Variants in SHLD3 observed in about 807,000 individuals in gnomAD.
The protein encoded by SHLD3 is REV7-interacting novel NHEJ regulator 1.
SHLD3 carries 15 observed loss-of-function variants against 21.4 expected under a neutral mutation model. The ratio of observed to expected loss-of-function variants is 0.70; its 90% CI spans 0.47 to 1.08. SHLD3 has a LOEUF of 1.08. SHLD3 is among the 50% of genes least tolerant of loss of function. The pLI, the probability that SHLD3 is intolerant of heterozygous loss-of-function variation, is 0.00. For synonymous variants in SHLD3, 103 were observed against 97.2 expected, an observed-to-expected ratio of 1.06 and a Z score of -0.35; for missense variants, 273 against 286.1, an observed-to-expected ratio of 0.95 and a Z score of 0.33.
intron 1 of SHLD3, among the ~76,000 whole-genome samples, chr5:65,627,979 C>A (rs775697370): frequency 6.6e-6 from 1 of 152,102 alleles, no homozygotes; most frequent in Non-Finnish European, 1.5e-5. Context: ...AGTGGGAGAA[C>A]CCTCATCAAG....
intron 1 of SHLD3, among the ~76,000 whole-genome samples, chr5:65,628,068 T>C (rs894666150): frequency 6.6e-6 from 1 of 152,204 alleles, no homozygotes; most frequent in Non-Finnish European, 1.5e-5. Context: ...AAAGTCTGTT[T>C]TATGGCTCTT....
At position 65,630,267 on chromosome 5, in the gene SHLD3, TTAA is replaced by T; in HGVS notation, c.681_683del (p.Lys228del). Reference sequence around the variant, plus strand: ...TATTGTGAATATGTGGGAAGTCTTCTTAAAGGAAGATTAGCTCTTACTGGAAAA... The same window carrying T: ...TATTGTGAATATGTGGGAAGTCTTCTAGGAAGATTAGCTCTTACTGGAAAA... On this transcript the variant is annotated inframe_deletion, in exon 2 of 2. Coordinates refer to ENST00000510585, the MANE Select transcript of SHLD3 (RefSeq NM_001365341.2). 1 of 1,535,428 alleles carries T rather than the reference TTAA, an allele frequency of 6.5e-7. No homozygotes were observed. Among genetic ancestry groups the T allele is most frequent in the Non-Finnish European group, 8.7e-7 (1 of 1,146,518 alleles).
chr5:65,626,399 T>C (rs1232494847), intron 1 of SHLD3, among the ~76,000 whole-genome samples: 3 of 152,212 alleles, frequency 2.0e-5, no homozygotes, highest in Non-Finnish European at 2.9e-5. Flanking sequence ...GGAACAGTTC[T>C]ATTAACTGCT....
intron 1 of SHLD3, among the ~76,000 whole-genome samples, chr5:65,627,674 GACA>G (rs373003083): frequency 3.3e-5 from 5 of 151,312 alleles, no homozygotes; most frequent in African/African-American, 1.2e-4. Flanking sequence ...ATTGACTTTA[GACA>G]ACAAGAGAAT....
chr5:65,630,267 T>C lies in SHLD3; in HGVS notation c.680T>C (p.Leu227Pro), dbSNP rs1755474684. Residue 227 changes from leucine to proline, a missense_variant, in exon 2 of 2, where the codon CTT becomes CCT. Transcript: ENST00000510585. The stretch of plus-strand genomic sequence containing the variant: ...TATTGTGAATATGTGGGAAGTCTTC[T>C]TAAAGGAAGATTAGCTCTTACTGGA... The part of the protein sequence containing the change: ...IMYCEYVGSL[L>P]KGRLALTGKI... The C allele has an allele frequency of 6.5e-7, 1 of 1,535,310 alleles. No homozygotes were observed. The highest frequency in any genetic ancestry group is 8.7e-7 in the Non-Finnish European group (1 of 1,146,526).
Position 65,630,614 on chromosome 5 carries a change from G to T in SHLD3, c.*274G>T. 9.4e-7 allele frequency: 1 copy of T among 1,067,192 alleles called. No individual in the cohort carries two copies. Among genetic ancestry groups the T allele is most frequent in the Non-Finnish European group, 1.1e-6 (1 of 883,494 alleles). The allele number at this position is 1,067,192 out of a possible 1,614,324, so 66.1% of individuals were successfully genotyped here. ...GTCATGAATTAAGTTGTATAGTTTGGATTTTGGTTAATCTCTAAAATCTAA... is the reference window on the plus strand; with the variant it reads ...GTCATGAATTAAGTTGTATAGTTTGTATTTTGGTTAATCTCTAAAATCTAA... On this transcript the variant is annotated 3_prime_UTR_variant, in exon 2 of 2. Coordinates refer to ENST00000510585, the MANE Select transcript of SHLD3 (RefSeq NM_001365341.2).
chr5:65,629,116 A>G (rs975842742), intron 1 of SHLD3, among the ~76,000 whole-genome samples: 1 of 152,240 alleles, frequency 6.6e-6, no homozygotes, highest in Admixed American at 6.5e-5. Context: ...TATGAAAACA[A>G]TATTTTAAGA....
At chr5:65,627,837 G>A (rs778266979) in intron 1 of SHLD3, among the ~76,000 whole-genome samples, 2 of 152,160 alleles carry the variant, frequency 1.3e-5, no homozygotes, top group Non-Finnish European at 2.9e-5. Flanking sequence ...ATGAATTTGA[G>A]AGTTGTCAGA....
chr5:65,626,420 T>C (rs1276015725), intron 1 of SHLD3, among the ~76,000 whole-genome samples: 1 of 152,200 alleles, frequency 6.6e-6, no homozygotes, highest in African/African-American at 2.4e-5. Context: ...ACGTGTGATT[T>C]ATACAAATTA....
chr5:65,630,860 T>G lies in SHLD3; in HGVS notation c.*520T>G, dbSNP rs1755517301. 1 of 185,698 alleles carries G rather than the reference T, an allele frequency of 5.4e-6. No homozygotes were observed. Among genetic ancestry groups the G allele is most frequent in the East Asian group, 1.9e-4 (1 of 5,320 alleles). The allele number at this position is 185,698 out of a possible 1,614,324, so 11.5% of individuals were successfully genotyped here. ...CTTTGCCTAAAACGATAATGTATCC[T>G]GTTTTGAAGGAAAGTATCAAATGTT... is the stretch of plus-strand genomic sequence containing the variant. On this transcript the variant is annotated 3_prime_UTR_variant, in exon 2 of 2. Coordinates refer to ENST00000510585, the MANE Select transcript of SHLD3 (RefSeq NM_001365341.2).
intron 1 of SHLD3, chr5:65,625,360 G>A (rs566432919): frequency 2.4e-6 from 1 of 420,510 alleles, no homozygotes; most frequent in South Asian, 5.1e-5. Context: ...GATTTTAGCC[G>A]CAGAAGCTGA....
In SHLD3 at chr5:65,630,485, T is replaced by A. The variant is rs575775363; in HGVS notation, c.*145T>A. 6.4e-5 allele frequency: 88 copies of A among 1,380,946 alleles called. No homozygotes were observed. Among genetic ancestry groups the A allele is most frequent in the Admixed American group, 5.3e-4 (16 of 30,334 alleles). The allele number at this position is 1,380,946 out of a possible 1,614,324, so 85.5% of individuals were successfully genotyped here. On this transcript the variant is annotated 3_prime_UTR_variant, in exon 2 of 2. Transcript: ENST00000510585. ...CAATTAAGTCAAGAAATTGCTGAGT[T>A]CTGCTTATTGGCAGCCTTCTTTTAA...
rs1755141691 is a variant in SHLD3 at position 65,625,074 on chromosome 5, C to G, written c.-153C>G. 1 of 1,613,690 alleles carries G rather than the reference C, an allele frequency of 6.2e-7. No homozygotes were observed. The highest frequency in any genetic ancestry group is 8.5e-7 in the Non-Finnish European group (1 of 1,179,698). ...GTGCCGGTCAAAATGGAAGTGAATC[C>G]CCCTAAACAGGAGCACCTGCTGGCG... is the stretch of plus-strand genomic sequence containing the variant. On this transcript the variant is annotated 5_prime_UTR_variant, in exon 1 of 2. Transcript: ENST00000510585.
intron 1 of SHLD3, among the ~76,000 whole-genome samples, chr5:65,627,447 T>TA (rs1301175248): frequency 6.6e-6 from 1 of 152,046 alleles, no homozygotes; most frequent in Non-Finnish European, 1.5e-5. Flanking sequence ...CTAGCCAACA[T>TA]TATGAAACCC....
Position 65,630,144 on chromosome 5 carries a change from C to T in SHLD3, c.557C>T (p.Thr186Ile), listed in dbSNP as rs780131677. 6.5e-7 allele frequency: 1 copy of T among 1,535,988 alleles called. No individual in the cohort carries two copies. Among genetic ancestry groups the T allele is most frequent in the South Asian group, 1.2e-5 (1 of 84,058 alleles). The stretch of plus-strand genomic sequence containing the variant: ...AGCCAAACTCTGGAAGACATTTGGA[C>T]AAAACTCAATCAAATTATTAGGCAC... ...CNSQTLEDIW[T>I]KLNQIIRHNE... Residue 186 changes from threonine to isoleucine, a missense_variant, in exon 2 of 2, where the codon ACA becomes ATA. Thr to Ile is a moderately conservative substitution (Grantham distance 89). Transcript: ENST00000510585.
chr5:65,628,633 G>T (rs190651728), intron 1 of SHLD3, among the ~76,000 whole-genome samples: 1 of 150,460 alleles, frequency 6.6e-6, no homozygotes, highest in African/African-American at 2.5e-5. Context: ...CACCACAGCC[G>T]GCTATTTTTT....
Position 65,625,047 on chromosome 5 carries a change from A to T in SHLD3, c.-180A>T, listed in dbSNP as rs376138437. ...CCAGCCCCCGTAGGCTGTGGGTCAAAAGTGCCGGTCAAAATGGAAGTGAAT... is the reference window on the plus strand; with the variant it reads ...CCAGCCCCCGTAGGCTGTGGGTCAATAGTGCCGGTCAAAATGGAAGTGAAT... On this transcript the variant is annotated 5_prime_UTR_variant, in exon 1 of 2. Transcript: ENST00000510585. The T allele has an allele frequency of 1.2e-4, 200 of 1,613,080 alleles. 2 individuals are homozygous for T. The Middle Eastern group carries it at 3.8e-3, about 31-fold the overall frequency.
At chr5:65,625,200 A>T in intron 1 of SHLD3, 94 bp downstream of exon 1, 1 of 1,060,138 alleles carries the variant, frequency 9.4e-7, no homozygotes, top group Admixed American at 1.7e-5. Context: ...CTTCTTAAAC[A>T]CTCAGTGCTC....
In SHLD3 at chr5:65,630,794, C is replaced by T. The variant is rs943326782; in HGVS notation, c.*454C>T. On this transcript the variant is annotated 3_prime_UTR_variant, in exon 2 of 2. Transcript: ENST00000510585. ...TGATGTTTCCAAAGATATGTAATAA[C>T]AATTGATAGGCTGTTTTCAAACAAC... 7.6e-6 allele frequency: 4 copies of T among 529,280 alleles called. No homozygotes were observed. In the African/African-American group the frequency reaches 8.2e-5, roughly 11 times the overall value. The allele number at this position is 529,280 out of a possible 1,614,324, so 32.8% of individuals were successfully genotyped here.
Sources: gnomAD v4.1 joint callset for allele counts (sites outside exome capture counted in the v4.1 genomes callset) on GRCh38, gnomAD v4.1.1 for gene constraint, MANE v1.5 for transcripts, NCBI Gene and HGNC (gene_info 2026-07-23, HGNC 2026-07-21) for gene names.